Variants in GPR89A observed in about 807,000 individuals in gnomAD.
GPR89A encodes G protein-coupled receptor 89A.
GPR89A carries 16 observed loss-of-function variants against 52.0 expected under a neutral mutation model. The ratio of observed to expected loss-of-function variants is 0.31; its 90% CI spans 0.21 to 0.47. The LOEUF (loss-of-function observed/expected upper bound fraction) is 0.47, where lower values mean the gene tolerates loss of function less well. GPR89A is among the 20% of genes least tolerant of loss of function. The pLI is 1.00. For synonymous variants in GPR89A, 55 were observed against 150.9 expected, an observed-to-expected ratio of 0.36 and a Z score of 4.66; for missense variants, 135 against 449.4, an observed-to-expected ratio of 0.30 and a Z score of 6.33.
chr1:145,634,931 C>T (rs1253423471), intron 7 of GPR89A, among the ~76,000 whole-genome samples: 1 of 152,096 alleles, frequency 6.6e-6, no homozygotes, highest in Admixed American at 6.5e-5. Context: ...ACAAGATAAT[C>T]ATTTCTTACC....
chr1:145,668,478 C>T (rs1400069916), intron 12 of GPR89A, among the ~76,000 whole-genome samples: 3 of 152,104 alleles, frequency 2.0e-5, no homozygotes, highest in Non-Finnish European at 2.9e-5. Flanking sequence ...TGGGCTGAGA[C>T]GATGGGGTTT....
intron 3 of GPR89A, among the ~76,000 whole-genome samples, chr1:145,622,108 A>G (rs1471165286): frequency 5.3e-5 from 8 of 152,082 alleles, no homozygotes; most frequent in Admixed American, 2.6e-4. Context: ...ATACGTCCAC[A>G]CCAGAATGTA....
intron 10 of GPR89A, among the ~76,000 whole-genome samples, chr1:145,653,994 A>G (rs1411249755): frequency 1.3e-5 from 2 of 152,042 alleles, no homozygotes; most frequent in Admixed American, 1.3e-4. Context: ...GTGTGATTTG[A>G]TCCTGTCATC....
chr1:145,629,013 T>C (rs1553689414), intron 5 of GPR89A, among the ~76,000 whole-genome samples: 1 of 152,080 alleles, frequency 6.6e-6, no homozygotes, highest in Admixed American at 6.6e-5. Context: ...AACAAGACTC[T>C]GAAAGAGGTG....
chr1:145,666,622 G>A (rs587670623), intron 12 of GPR89A, among the ~76,000 whole-genome samples: 1 of 151,200 alleles, frequency 6.6e-6, no homozygotes, highest in Non-Finnish European at 1.5e-5. Flanking sequence ...GTTACATTTG[G>A]ATACATGTGC....
chr1:145,641,884 C>T (rs1650678407), intron 7 of GPR89A, among the ~76,000 whole-genome samples: 1 of 152,026 alleles, frequency 6.6e-6, no homozygotes, highest in South Asian at 2.1e-4. Context: ...CCTATTCACG[C>T]TTCGGAAGGT....
At chr1:145,629,915 A>T (rs1354837875) in intron 5 of GPR89A, among the ~76,000 whole-genome samples, 4 of 152,240 alleles carry the variant, frequency 2.6e-5, no homozygotes, top group African/African-American at 9.6e-5. Flanking sequence ...TGACCATAGG[A>T]GTGGATGGCT....
intron 10 of GPR89A, among the ~76,000 whole-genome samples, chr1:145,658,284 G>T (rs1245016429): frequency 6.7e-6 from 1 of 150,032 alleles, no homozygotes; most frequent in Non-Finnish European, 1.5e-5. Flanking sequence ...TGTTTTTAAG[G>T]TACATCCATG....
intron 11 of GPR89A, among the ~76,000 whole-genome samples, 184 bp downstream of exon 11, chr1:145,663,608 T>C (rs1290852100): frequency 2.6e-5 from 4 of 152,136 alleles, no homozygotes; most frequent in Admixed American, 2.6e-4. Flanking sequence ...ATGGAAAATT[T>C]GTAAAAGGCC....
intron 10 of GPR89A, among the ~76,000 whole-genome samples, chr1:145,660,738 A>G (rs1211740026): frequency 6.6e-6 from 1 of 151,842 alleles, no homozygotes; most frequent in African/African-American, 2.4e-5. Flanking sequence ...GAGAAATGCA[A>G]ATCAAAACCA....
intron 10 of GPR89A, among the ~76,000 whole-genome samples, chr1:145,656,438 G>A (rs1553694526): frequency 6.6e-6 from 1 of 152,218 alleles, no homozygotes; most frequent in African/African-American, 2.4e-5. Context: ...TCCCAGGTGG[G>A]GCTGTTGCAC....
chr1:145,632,612 A>C (rs1253818975), intron 7 of GPR89A, among the ~76,000 whole-genome samples: 1 of 152,248 alleles, frequency 6.6e-6, no homozygotes, highest in Admixed American at 6.5e-5. Flanking sequence ...TCTGTTGTAC[A>C]TGTATGCCAT....
chr1:145,613,749 C>A (rs1328315410), intron 1 of GPR89A, among the ~76,000 whole-genome samples: 5 of 150,804 alleles, frequency 3.3e-5, no homozygotes, highest in Non-Finnish European at 7.4e-5. Context: ...GTCCTCCTAC[C>A]CCTACCACCT....
chr1:145,620,869 G>T (rs1249364522), intron 3 of GPR89A, among the ~76,000 whole-genome samples: 1 of 152,136 alleles, frequency 6.6e-6, no homozygotes, highest in Non-Finnish European at 1.5e-5. Context: ...AAAACATGTG[G>T]TTCACTTTTA....
At chr1:145,614,807 T>TAA (rs1571462886) in intron 1 of GPR89A, among the ~76,000 whole-genome samples, 1 of 152,002 alleles carries the variant, frequency 6.6e-6, no homozygotes, top group Non-Finnish European at 1.5e-5. Flanking sequence ...GGGAGAGGGC[T>TAA]AGAGAGAAGT....
In GPR89A at chr1:145,646,250, C is replaced by T; in HGVS notation, c.794C>T (p.Thr265Ile). 1.2e-6 allele frequency: 2 copies of T among 1,610,010 alleles called. No homozygotes were observed. The highest frequency in any genetic ancestry group is 2.2e-5 in the East Asian group (1 of 44,846). The change falls in exon 9 of 14, where the codon ACA (threonine) becomes ATA (isoleucine). Residue 265 changes from threonine (T) to isoleucine (I), a missense_variant. By Grantham distance (89) the Thr-to-Ile change is moderately conservative (BLOSUM62 -1). Coordinates refer to ENST00000313835, the MANE Select transcript of GPR89A (RefSeq NM_001097612.2). ...TTAAGCAGGCAGCTTTTTCTGGAAA[C>T]AGCTGATCTATATGCTACCAAGGTA... ...EELSRQLFLE[T>I]ADLYATKERI...
chr1:145,623,478 A>G, intron 4 of GPR89A, 135 bp from the exon 5 acceptor site: 3 of 662,438 alleles, frequency 4.5e-6, no homozygotes, highest in Middle Eastern at 4.2e-4. Flanking sequence ...TTCACTAAAA[A>G]TTATGCTGTT....
chr1:145,649,539 G>C (rs1434771732), intron 10 of GPR89A, among the ~76,000 whole-genome samples: 2 of 151,152 alleles, frequency 1.3e-5, no homozygotes, highest in Non-Finnish European at 3.0e-5. Flanking sequence ...AATTTTGTTT[G>C]TCCATTCATC....
intron 7 of GPR89A, among the ~76,000 whole-genome samples, chr1:145,636,168 C>G (rs1469576524): frequency 1.3e-5 from 2 of 152,080 alleles, no homozygotes; most frequent in Non-Finnish European, 2.9e-5. Context: ...AATCAGCCTC[C>G]CAACGTGACC....
Sources: gnomAD v4.1 joint callset for allele counts (sites outside exome capture counted in the v4.1 genomes callset) on GRCh38, gnomAD v4.1.1 for gene constraint, MANE v1.5 for transcripts, NCBI Gene and HGNC (gene_info 2026-07-23, HGNC 2026-07-21) for gene names.